Variants in BTG4 observed in about 807,000 individuals in gnomAD.
BTG4 encodes protein BTG4.
Under a neutral mutation model 19.3 loss-of-function variants are expected in BTG4, and 10 were observed. The observed-to-expected ratio is 0.52, with a 90% CI of 0.32 to 0.88. The LOEUF is 0.88. BTG4 is among the 40% of genes least tolerant of loss of function. The pLI, the probability that BTG4 is intolerant of heterozygous loss-of-function variation, is 0.04. For missense variants in BTG4, 238 were observed against 281.9 expected, an observed-to-expected ratio of 0.84 and a Z score of 1.11; for synonymous variants, 91 against 95.7, an observed-to-expected ratio of 0.95 and a Z score of 0.29.
the BTG4 span, among the ~76,000 whole-genome samples, chr11:111,390,170 A>C: frequency 6.6e-6 from 1 of 152,178 alleles, no homozygotes; most frequent in Non-Finnish European, 1.5e-5. Flanking sequence ...TCCCCACAAC[A>C]TGCACACACA....
At chr11:111,437,493 T>C in the BTG4 span, among the ~76,000 whole-genome samples, 1 of 152,210 alleles carries the variant, frequency 6.6e-6, no homozygotes, top group African/African-American at 2.4e-5. Context: ...CAAATCACCA[T>C]GCTCCAATCT....
At chr11:111,436,737 G>A in the BTG4 span, among the ~76,000 whole-genome samples, 1 of 151,974 alleles carries the variant, frequency 6.6e-6, no homozygotes, top group Non-Finnish European at 1.5e-5. Context: ...AGGGGCAGGC[G>A]GCTAGCCCAG....
At chr11:111,402,027 A>T in the BTG4 span, among the ~76,000 whole-genome samples, 1 of 152,108 alleles carries the variant, frequency 6.6e-6, no homozygotes, top group African/African-American at 2.4e-5. Flanking sequence ...TCTCCACCCA[A>T]CTCTCACCTT....
the BTG4 span, among the ~76,000 whole-genome samples, chr11:111,441,647 T>G: frequency 6.1e-3 from 936 of 152,362 alleles, 6 homozygotes; most frequent in Non-Finnish European, 9.2e-3. Flanking sequence ...GCTTTTGATC[T>G]CATGAAGTTC....
the BTG4 span, among the ~76,000 whole-genome samples, chr11:111,440,088 A>G: frequency 0.013 from 2,052 of 152,246 alleles, 27 homozygotes; most frequent in Middle Eastern, 0.058. Flanking sequence ...TTACTCTGTG[A>G]TCTGGGATCT....
chr11:111,469,562 T>C (rs886329073), intron 5 of BTG4, among the ~76,000 whole-genome samples: 13 of 152,190 alleles, frequency 8.5e-5, no homozygotes, highest in African/African-American at 2.9e-4. Context: ...TTCACAGAAG[T>C]GGTTTTCCTA....
Position 111,498,952 on chromosome 11 carries a change from A to C in BTG4, c.-26-150T>G, listed in dbSNP as rs1591520009. The stretch of plus-strand genomic sequence containing the variant: ...AGTCCTTAGTAAACTAGGTAAGTAC[A>C]TGAACACTATCAATCAACATAACAG... On this transcript the variant is annotated intron_variant, in intron 1 of 4. Coordinates refer to ENST00000692032, the MANE Select transcript of BTG4 (RefSeq NM_001367975.1). The C allele has an allele frequency of 3.9e-5, 21 of 537,950 alleles. No homozygotes were observed. The East Asian group carries it at 6.6e-4, about 17-fold the overall frequency. The allele number at this position is 537,950 out of a possible 1,614,324, so 33.3% of individuals were successfully genotyped here.
the BTG4 span, among the ~76,000 whole-genome samples, chr11:111,443,283 G>A: frequency 1.3e-5 from 2 of 152,286 alleles, no homozygotes; most frequent in South Asian, 4.1e-4. Flanking sequence ...CTGAGAGTAG[G>A]CAAAGCAGAC....
chr11:111,472,175 T>C (rs1038523391), intron 5 of BTG4, among the ~76,000 whole-genome samples: 2 of 152,230 alleles, frequency 1.3e-5, no homozygotes, highest in African/African-American at 4.8e-5. Flanking sequence ...GTCTCCCCAA[T>C]TTACTCAGAG....
chr11:111,479,823 G>C (rs1447972721), intron 5 of BTG4, among the ~76,000 whole-genome samples: 8 of 151,884 alleles, frequency 5.3e-5, no homozygotes, highest in African/African-American at 1.7e-4. Flanking sequence ...GCAATACCTA[G>C]AGCAACCACT....
intron 5 of BTG4, among the ~76,000 whole-genome samples, chr11:111,475,651 G>T (rs989048431): frequency 6.6e-6 from 1 of 152,038 alleles, no homozygotes; most frequent in Admixed American, 6.6e-5. Context: ...AAAAAATCCA[G>T]ATACAAACTT....
chr11:111,443,301 C>A, the BTG4 span, among the ~76,000 whole-genome samples: 1 of 152,266 alleles, frequency 6.6e-6, no homozygotes, highest in African/African-American at 2.4e-5. Context: ...GACATGATGA[C>A]TGGATGTCAT....
intron 5 of BTG4, among the ~76,000 whole-genome samples, chr11:111,470,928 C>CA: frequency 6.6e-6 from 1 of 152,052 alleles, no homozygotes. Context: ...GATCCTATCT[C>CA]AAAAAATACA....
downstream of BTG4, among the ~76,000 whole-genome samples, chr11:111,490,485 A>G (rs1020840557): frequency 1.3e-5 from 2 of 152,236 alleles, no homozygotes; most frequent in African/African-American, 4.8e-5. Context: ...TACAAGGTAC[A>G]AACTGGAAGA....
the BTG4 span, among the ~76,000 whole-genome samples, chr11:111,415,496 C>A: frequency 5.3e-5 from 8 of 152,188 alleles, 1 homozygote; most frequent in Admixed American, 5.2e-4. Flanking sequence ...TCCCAGAGAC[C>A]AGGCTAGAGA....
intron 5 of BTG4, among the ~76,000 whole-genome samples, chr11:111,483,042 T>C (rs972708762): frequency 1.3e-5 from 2 of 152,112 alleles, no homozygotes; most frequent in African/African-American, 4.8e-5. Flanking sequence ...AGCATCCCCC[T>C]ACAGGAACAC....
At chr11:111,405,758 C>T in the BTG4 span, among the ~76,000 whole-genome samples, 3 of 152,266 alleles carry the variant, frequency 2.0e-5, no homozygotes, top group Admixed American at 2.0e-4. Flanking sequence ...TTTCAAATGT[C>T]GACTATGCTA....
At chr11:111,401,152 G>A in the BTG4 span, 1 of 150,042 alleles carries the variant, frequency 6.7e-6, no homozygotes, top group Admixed American at 6.6e-5. Context: ...CAATTTCTTA[G>A]TTTTGATAAA....
intron 5 of BTG4, among the ~76,000 whole-genome samples, chr11:111,486,432 G>T (rs1865067369): frequency 6.6e-6 from 1 of 152,118 alleles, no homozygotes; most frequent in African/African-American, 2.4e-5. Context: ...GTAAGACCCT[G>T]CCTCCAAATA....
Sources: allele counts gnomAD v4.1 joint callset (sites outside exome capture counted in the v4.1 genomes callset), GRCh38; gene constraint gnomAD v4.1.1; transcripts MANE v1.5; gene names NCBI Gene and HGNC (gene_info 2026-07-23, HGNC 2026-07-21).